The following TNKS variants were observed in gnomAD, a reference collection of about 807,000 sequenced individuals.
The protein encoded by TNKS is poly [ADP-ribose] polymerase tankyrase-1.
A neutral mutation model predicts 135.8 loss-of-function variants in TNKS; 72 were observed. The observed-to-expected ratio is 0.53, with a 90% CI of 0.44 to 0.64. TNKS has a LOEUF of 0.64. TNKS is among the 30% of genes least tolerant of loss of function. The pLI is 0.00. For missense variants in TNKS, 1,769 were observed against 1,674.0 expected, an observed-to-expected ratio of 1.06 and a Z score of -0.99; for synonymous variants, 849 against 649.3, an observed-to-expected ratio of 1.31 and a Z score of -4.68.
chr8:9,636,779 T>A (rs1437279596), intron 3 of TNKS, among the ~76,000 whole-genome samples: 3 of 152,184 alleles, frequency 2.0e-5, no homozygotes, highest in African/African-American at 7.2e-5. Context: ...TACGTTACGT[T>A]AGATGGACAC....
chr8:9,599,835 A>G (rs4372006), intron 2 of TNKS, among the ~76,000 whole-genome samples: 36,292 of 151,856 alleles, frequency 0.24, 4,565 homozygotes, highest in East Asian at 0.37. Context: ...AGTAAACTTG[A>G]CAACAGGCGC....
intron 2 of TNKS, among the ~76,000 whole-genome samples, chr8:9,598,583 C>T (rs1798879677): frequency 6.6e-6 from 1 of 150,904 alleles, no homozygotes; most frequent in East Asian, 2.0e-4. Flanking sequence ...GTAGTCCTAG[C>T]TACTCGGGAG....
At chr8:9,661,848 C>G (rs1228603309) in intron 3 of TNKS, among the ~76,000 whole-genome samples, 2 of 151,992 alleles carry the variant, frequency 1.3e-5, no homozygotes, top group Admixed American at 6.6e-5. Flanking sequence ...TGACAAAGGG[C>G]TAATATCCAG....
chr8:9,569,544 C>T (rs1424415318), intron 1 of TNKS, among the ~76,000 whole-genome samples: 4 of 152,204 alleles, frequency 2.6e-5, no homozygotes, highest in South Asian at 2.1e-4. Context: ...TTGTATAATT[C>T]TATTGTGGGA....
chr8:9,714,879 C>A (rs1048709675), intron 11 of TNKS, among the ~76,000 whole-genome samples: 2 of 152,146 alleles, frequency 1.3e-5, no homozygotes, highest in Non-Finnish European at 2.9e-5. Flanking sequence ...GTTGGAAAGA[C>A]AGCATCAGAG....
At chr8:9,653,014 C>A (rs1801201759) in intron 3 of TNKS, among the ~76,000 whole-genome samples, 1 of 152,152 alleles carries the variant, frequency 6.6e-6, no homozygotes, top group Non-Finnish European at 1.5e-5. Flanking sequence ...CAGGCACAGG[C>A]CACACCTCCA....
Position 9,730,974 on chromosome 8 carries a change from C to T in TNKS, c.2086C>T (p.Arg696Cys), listed in dbSNP as rs756869413. The T allele has an allele frequency of 1.1e-5, 18 of 1,613,974 alleles. No individual in the cohort carries two copies. The highest frequency in any genetic ancestry group is 1.5e-5 in the Non-Finnish European group (18 of 1,179,928). Reference protein sequence around the residue: ...TPLHFAAGYNRVSVVEYLLHH... With the variant: ...TPLHFAAGYNCVSVVEYLLHH... ...CTTACACTTCGCAGCAGGCTACAACCGCGTGTCTGTTGTAGAGTACCTGCT... is the reference window on the plus strand; with the variant it reads ...CTTACACTTCGCAGCAGGCTACAACTGCGTGTCTGTTGTAGAGTACCTGCT... The change falls in exon 14 of 27, where the codon CGC (arginine) becomes TGC (cysteine). Residue 696 changes from arginine (R) to cysteine (C), a missense_variant. By Grantham distance (180) the Arg-to-Cys change is radical. Coordinates refer to ENST00000310430, the MANE Select transcript of TNKS (RefSeq NM_003747.3).
chr8:9,629,686 G>A (rs1325382270), intron 3 of TNKS, among the ~76,000 whole-genome samples: 2 of 152,106 alleles, frequency 1.3e-5, no homozygotes, highest in Non-Finnish European at 2.9e-5. Context: ...TTGTTTGTTT[G>A]CTTGTTTGTT....
At chr8:9,752,083 T>G (rs1253413733) in intron 19 of TNKS, among the ~76,000 whole-genome samples, 1 of 152,234 alleles carries the variant, frequency 6.6e-6, no homozygotes, top group African/African-American at 2.4e-5. Flanking sequence ...TAGCATCTTA[T>G]TGAACCACTT....
rs541048522 is a variant in TNKS at position 9,634,949 on chromosome 8, T to A, written c.994+19272T>A. ...TCCCGGCACTTTGGGAGGCTGAGGC[T>A]GGTGGATCACGAGGTCAGGAGATCG... On this transcript the variant is annotated intron_variant, in intron 3 of 26. Transcript: ENST00000310430. Among the ~76,000 whole-genome samples the A allele has an allele frequency of 6.6e-5, 10 of 151,422 alleles. No homozygotes were observed. In the South Asian group the frequency reaches 1.7e-3, roughly 25 times the overall value.
At chr8:9,695,330 A>G (rs1803462043) in intron 5 of TNKS, among the ~76,000 whole-genome samples, 1 of 152,186 alleles carries the variant, frequency 6.6e-6, no homozygotes, top group African/African-American at 2.4e-5. Context: ...ATGAAATTAA[A>G]TATTCATATT....
intron 12 of TNKS, among the ~76,000 whole-genome samples, chr8:9,725,875 A>T (rs190249873): frequency 2.6e-4 from 39 of 152,372 alleles, no homozygotes; most frequent in African/African-American, 8.9e-4. Flanking sequence ...AATCAAAATA[A>T]TAACTCATTT....
chr8:9,757,013 G>T (rs11998523), intron 20 of TNKS, among the ~76,000 whole-genome samples: 1,826 of 152,112 alleles, frequency 0.012, 35 homozygotes, highest in African/African-American at 0.04. Flanking sequence ...GTCTAGCTCT[G>T]TTGCCCAGGC....
chr8:9,580,052 G>A, intron 1 of TNKS, 107 bp from the exon 2 acceptor site: 1 of 854,446 alleles, frequency 1.2e-6, no homozygotes, highest in Non-Finnish European at 1.9e-6. Context: ...TTACTATAGA[G>A]TGCAGTACTT....
chr8:9,584,408 T>A (rs953021605), intron 2 of TNKS, among the ~76,000 whole-genome samples: 4 of 152,180 alleles, frequency 2.6e-5, no homozygotes, highest in African/African-American at 4.8e-5. Flanking sequence ...GAATTTTGAA[T>A]ACAAAATCTT....
chr8:9,670,347 G>C (rs1197069632), intron 3 of TNKS, among the ~76,000 whole-genome samples: 1 of 152,176 alleles, frequency 6.6e-6, no homozygotes, highest in East Asian at 1.9e-4. Flanking sequence ...AGGTGGAGAT[G>C]TTCAAATTTA....
intron 3 of TNKS, among the ~76,000 whole-genome samples, chr8:9,637,878 A>G (rs1327101117): frequency 2.6e-5 from 4 of 152,216 alleles, no homozygotes; most frequent in Admixed American, 1.3e-4. Flanking sequence ...TACTATCACC[A>G]AAAGTTTGTG....
At chr8:9,610,833 G>A (rs1799435496) in intron 2 of TNKS, among the ~76,000 whole-genome samples, 1 of 152,154 alleles carries the variant, frequency 6.6e-6, no homozygotes, top group African/African-American at 2.4e-5. Flanking sequence ...AATGCCTGCA[G>A]TTAAACACAA....
At chr8:9,717,101 A>ATATATATATATATATATTTT (rs1454492300) in intron 11 of TNKS, among the ~76,000 whole-genome samples, 4 of 119,336 alleles carry the variant, frequency 3.4e-5, no homozygotes, top group South Asian at 2.9e-4. Flanking sequence ...ATATATATAT[A>ATATATATATATATATATTTT]TTTTCAGGGA....
Sources: gnomAD v4.1 joint callset for allele counts (sites outside exome capture counted in the v4.1 genomes callset) on GRCh38, gnomAD v4.1.1 for gene constraint, MANE v1.5 for transcripts, NCBI Gene and HGNC (gene_info 2026-07-23, HGNC 2026-07-21) for gene names.